The following FGGY variants were observed in gnomAD, a reference collection of about 807,000 sequenced individuals.
FGGY encodes the protein FGGY carbohydrate kinase domain containing.
FGGY carries 72 observed loss-of-function variants against 71.3 expected under a neutral mutation model. That is an observed-to-expected ratio of 1.01 (90% CI 0.84 to 1.23). The LOEUF is 1.23. Among genes scored for constraint, FGGY ranks in the 50% most tolerant of loss-of-function variants. FGGY has a pLI of 0.00. For missense variants in FGGY, 668 were observed against 682.3 expected (o/e 0.98, Z 0.23); for synonymous variants, 251 against 250.3 (o/e 1.00, Z -0.02).
At chr1:59,576,316 G>A (rs2096074166) in intron 8 of FGGY, among the ~76,000 whole-genome samples, 1 of 152,046 alleles carries the variant, frequency 6.6e-6, no homozygotes, top group Non-Finnish European at 1.5e-5. Flanking sequence ...AACAAACACT[G>A]CATGTTCTCA....
intron 14 of FGGY, among the ~76,000 whole-genome samples, chr1:59,740,427 T>G (rs1452270720): frequency 6.6e-6 from 1 of 152,200 alleles, no homozygotes; most frequent in Non-Finnish European, 1.5e-5. Context: ...CTTTCTTAGA[T>G]CCGGTAGTGA....
At chr1:59,463,752 T>A (rs2092422963) in intron 6 of FGGY, among the ~76,000 whole-genome samples, 1 of 149,664 alleles carries the variant, frequency 6.7e-6, no homozygotes, top group Non-Finnish European at 1.5e-5. Context: ...CCAACAAAGA[T>A]CAAAAGAGAC....
chr1:59,298,644 G>C (rs995520254), intron 1 of FGGY, among the ~76,000 whole-genome samples: 2 of 152,044 alleles, frequency 1.3e-5, no homozygotes, highest in African/African-American at 2.4e-5. Context: ...GATTTAAATA[G>C]TTTAAATCAC....
chr1:59,582,582 C>T (rs2096213969), intron 8 of FGGY, among the ~76,000 whole-genome samples: 1 of 149,732 alleles, frequency 6.7e-6, no homozygotes, highest in Non-Finnish European at 1.5e-5. Flanking sequence ...TCTCCTAAGT[C>T]CTACTTACCC....
At chr1:59,614,589 A>G (rs947180401) in intron 9 of FGGY, among the ~76,000 whole-genome samples, 25 of 152,312 alleles carry the variant, frequency 1.6e-4, no homozygotes, top group African/African-American at 5.8e-4. Flanking sequence ...AAACTGTCAC[A>G]AGACAGGGAT....
intron 7 of FGGY, among the ~76,000 whole-genome samples, chr1:59,520,465 T>C (rs1230090856): frequency 6.6e-6 from 1 of 152,194 alleles, no homozygotes; most frequent in Non-Finnish European, 1.5e-5. Context: ...TGTTACTTTG[T>C]GGAAACATCT....
intron 5 of FGGY, among the ~76,000 whole-genome samples, chr1:59,379,344 G>A (rs949332579): frequency 2.0e-5 from 3 of 152,076 alleles, no homozygotes; most frequent in Non-Finnish European, 2.9e-5. Flanking sequence ...GCCTATTGCT[G>A]CTTGGCTACA....
intron 6 of FGGY, among the ~76,000 whole-genome samples, chr1:59,477,595 G>T (rs1215318892): frequency 6.6e-6 from 1 of 152,024 alleles, no homozygotes; most frequent in Non-Finnish European, 1.5e-5. Flanking sequence ...ATCTCTTTGT[G>T]GTATCATAAA....
chr1:59,651,137 C>A (rs1486360302), intron 11 of FGGY, among the ~76,000 whole-genome samples: 1 of 151,268 alleles, frequency 6.6e-6, no homozygotes, highest in South Asian at 2.1e-4. Flanking sequence ...AATTTCTGTT[C>A]TTTTACATTT....
chr1:59,520,072 G>C (rs561843150), intron 7 of FGGY, among the ~76,000 whole-genome samples: 1 of 152,294 alleles, frequency 6.6e-6, no homozygotes, highest in Admixed American at 6.5e-5. Flanking sequence ...CTGCAACAAA[G>C]AATTATCCAG....
intron 14 of FGGY, among the ~76,000 whole-genome samples, chr1:59,709,146 G>T (rs1409520340): frequency 6.6e-6 from 1 of 152,112 alleles, no homozygotes; most frequent in Non-Finnish European, 1.5e-5. Context: ...TACTACCTGA[G>T]ACTGGGTAGT....
intron 4 of FGGY, among the ~76,000 whole-genome samples, chr1:59,362,086 G>C (rs2055668254): frequency 6.6e-6 from 1 of 152,122 alleles, no homozygotes; most frequent in Non-Finnish European, 1.5e-5. Flanking sequence ...TGGTCCTGCT[G>C]TTATTTCCCA....
intron 8 of FGGY, among the ~76,000 whole-genome samples, chr1:59,588,865 G>T (rs188095881): frequency 6.6e-6 from 1 of 152,212 alleles, no homozygotes; most frequent in African/African-American, 2.4e-5. Flanking sequence ...TCGAGGCTAG[G>T]AGGAAACTGC....
intron 5 of FGGY, among the ~76,000 whole-genome samples, chr1:59,404,701 C>G (rs945377494): frequency 3.3e-5 from 5 of 152,110 alleles, no homozygotes; most frequent in Admixed American, 6.5e-5. Flanking sequence ...TCTGCTAAAT[C>G]TGAGCAGAAG....
intron 3 of FGGY, among the ~76,000 whole-genome samples, chr1:59,345,632 A>G (rs929333802): frequency 8.5e-5 from 13 of 152,110 alleles, no homozygotes; most frequent in Non-Finnish European, 1.2e-4. Context: ...CTGTATCTTC[A>G]TCTGTAACTA....
At chr1:59,664,802 C>G (rs1018913145) in intron 12 of FGGY, among the ~76,000 whole-genome samples, 2 of 152,214 alleles carry the variant, frequency 1.3e-5, no homozygotes, top group African/African-American at 4.8e-5. Flanking sequence ...TTGCTGCCTA[C>G]AGCAGCAGAC....
Position 59,752,553 on chromosome 1 carries a change from C to T in FGGY, c.1513-5378C>T, listed in dbSNP as rs541312784. Among the ~76,000 whole-genome samples the T allele has an allele frequency of 2.0e-5, 3 of 152,324 alleles. No homozygotes were observed. The South Asian group carries it at 6.2e-4, about 32-fold the overall frequency. Reference sequence around the variant, plus strand: ...GATCTTCTGCTCCCAAAATTGCCAACATCAGTAAGTCTACCACTCATGGAA... The same window carrying T: ...GATCTTCTGCTCCCAAAATTGCCAATATCAGTAAGTCTACCACTCATGGAA... On this transcript the variant is annotated intron_variant, in intron 14 of 15. Transcript: ENST00000303721.
At chr1:59,650,287 C>T (rs1361976546) in intron 11 of FGGY, among the ~76,000 whole-genome samples, 11 of 142,646 alleles carry the variant, frequency 7.7e-5, no homozygotes, top group Non-Finnish European at 1.2e-4. Flanking sequence ...GGGAGGATTC[C>T]GTCTTTTCTA....
At chr1:59,535,137 A>G (rs532755101) in intron 7 of FGGY, among the ~76,000 whole-genome samples, 1 of 152,328 alleles carries the variant, frequency 6.6e-6, no homozygotes, top group South Asian at 2.1e-4. Context: ...ATGGAGGAAG[A>G]TCTACCTAGC....
Sources: allele counts gnomAD v4.1 joint callset (sites outside exome capture counted in the v4.1 genomes callset), GRCh38; gene constraint gnomAD v4.1.1; transcripts MANE v1.5; gene names NCBI Gene and HGNC (gene_info 2026-07-23, HGNC 2026-07-21).